MARCHF1: variants seen among roughly 807,000 people sequenced by gnomAD.
MARCHF1 encodes the protein membrane associated ring-CH-type finger 1.
A neutral mutation model predicts 54.2 loss-of-function variants in MARCHF1; 40 were observed. That is an observed-to-expected ratio of 0.74 (90% CI 0.57 to 0.96). The LOEUF (loss-of-function observed/expected upper bound fraction) is 0.96. Ranked by LOEUF, MARCHF1 falls within the 40% of genes least tolerant of loss-of-function variation. MARCHF1 has a pLI of 0.00. For missense variants in MARCHF1, 586 were observed against 656.5 expected (o/e 0.89, Z 1.17); for synonymous variants, 236 against 236.3 (o/e 1.00, Z 0.01).
chr4:163,727,302 TTTC>T (rs1225153760), intron 4 of MARCHF1, among the ~76,000 whole-genome samples: 1 of 137,874 alleles, frequency 7.3e-6, no homozygotes, highest in African/African-American at 2.6e-5. Flanking sequence ...TTTAAATTCA[TTTC>T]TTTTTTTTCT....
intron 1 of MARCHF1, among the ~76,000 whole-genome samples, chr4:164,238,445 G>T (rs1732631281): frequency 6.6e-6 from 1 of 152,014 alleles, no homozygotes; most frequent in Non-Finnish European, 1.5e-5. Flanking sequence ...TACAAGGAAA[G>T]AACTGAGTCC....
intron 3 of MARCHF1, among the ~76,000 whole-genome samples, chr4:163,890,972 G>T (rs149492395): frequency 5.3e-5 from 8 of 151,734 alleles, no homozygotes; most frequent in African/African-American, 1.7e-4. Context: ...CAGGATAGTC[G>T]GAAATATACT....
Position 164,355,691 on chromosome 4 carries a change from G to A in MARCHF1, c.-323+28179C>T, listed in dbSNP as rs1300783540. 2.0e-5 allele frequency among the ~76,000 whole-genome samples: 2 copies of A among 97,890 alleles called. 1 individual carries two copies. The highest frequency in any genetic ancestry group is 4.6e-5 in the Non-Finnish European group (2 of 43,846). 64.2% of individuals were successfully genotyped at this position (97,890 alleles called of 152,430 possible). Reference sequence around the variant, plus strand: ...AAGAAAACCTAGGCATTACCATTCAGGACATAGGCATGGGCAAGGACTTCA... The same window carrying A: ...AAGAAAACCTAGGCATTACCATTCAAGACATAGGCATGGGCAAGGACTTCA... On this transcript the variant is annotated intron_variant, in intron 1 of 9. Transcript: ENST00000514618.
rs1164505289 is a variant in MARCHF1 at position 163,612,707 on chromosome 4, T to G, written c.574A>C (p.Asn192His). ...RLSRRRRRNN[N>H]KPCENLAGSS... ...CCAGCTAAGTTTTCACACGGCTTAT[T>G]ATTATTTCTCCTCCTTCTTCTTGAC... The change falls in exon 7 of 10, where the codon AAT (asparagine) becomes CAT (histidine). Residue 192 changes from asparagine to histidine, a missense_variant. This residue lies in a region of MARCHF1 where 387 missense variants were observed against 394.6 expected (regional missense o/e 0.98). Transcript: ENST00000514618. 3.9e-6 allele frequency: 6 copies of G among 1,535,430 alleles called. No homozygotes were observed. The South Asian group carries it at 5.9e-5, about 15-fold the overall frequency.
At position 163,526,568 on chromosome 4, in the gene MARCHF1, T is replaced by C. The variant is rs1738112580; in HGVS notation, c.*2180A>G. The C allele has an allele frequency of 6.6e-6, 1 of 152,038 alleles. No individual in the cohort carries two copies. The highest frequency in any genetic ancestry group is 2.4e-5 in the African/African-American group (1 of 41,432). The allele number at this position is 152,038 out of a possible 1,614,324, so 9.4% of individuals were successfully genotyped here. A position where few individuals can be genotyped will look rare whatever the true frequency, so the allele number is the denominator to read the frequency against. Reference sequence around the variant, plus strand: ...TGCCATGGTTAAATCACCCACAGATTTGTTATTCATAAATGTATTTATCTT... The same window carrying C: ...TGCCATGGTTAAATCACCCACAGATCTGTTATTCATAAATGTATTTATCTT... On this transcript the variant is annotated 3_prime_UTR_variant, in exon 10 of 10. Coordinates refer to ENST00000514618, the MANE Select transcript of MARCHF1 (RefSeq NM_001394959.1).
chr4:164,092,858 T>C (rs563034454), intron 2 of MARCHF1, among the ~76,000 whole-genome samples: 1 of 152,234 alleles, frequency 6.6e-6, no homozygotes, highest in Admixed American at 6.6e-5. Flanking sequence ...AAAGATTATG[T>C]CTAGAACACA....
At chr4:163,553,138 C>T (rs1739171295) in intron 8 of MARCHF1, among the ~76,000 whole-genome samples, 1 of 152,102 alleles carries the variant, frequency 6.6e-6, no homozygotes, top group Non-Finnish European at 1.5e-5. Flanking sequence ...CTCTGTGCCT[C>T]CATTTCTTTA....
rs1024252262 is a variant in MARCHF1, at chr4:164,108,898, A to T, written c.-248+2690T>A. On this transcript the variant is annotated intron_variant, in intron 2 of 9. Transcript: ENST00000514618. ...GCAGCATAAGATAGCTGTGATTTTTAAAAGTGCTTATTAAAACATTTGTTT... is the reference window on the plus strand; with the variant it reads ...GCAGCATAAGATAGCTGTGATTTTTTAAAGTGCTTATTAAAACATTTGTTT... Among the ~76,000 whole-genome samples, 7 of 152,226 alleles carry T rather than the reference A, an allele frequency of 4.6e-5. No individual in the cohort carries two copies. In the South Asian group the frequency reaches 1.4e-3, roughly 32 times the overall value.
At chr4:164,121,949 A>T (rs958413831) in intron 1 of MARCHF1, among the ~76,000 whole-genome samples, 13 of 152,136 alleles carry the variant, frequency 8.5e-5, no homozygotes, top group Non-Finnish European at 2.9e-5. Flanking sequence ...TCATTAACAA[A>T]ATACTAGCAA....
In MARCHF1 at chr4:164,179,916, C is replaced by T. The variant is rs371447494; in HGVS notation, c.-322-68254G>A. Among the ~76,000 whole-genome samples the T allele has an allele frequency of 2.0e-5, 3 of 149,588 alleles. No individual in the cohort carries two copies. The East Asian group carries it at 5.9e-4, about 29-fold the overall frequency. On this transcript the variant is annotated intron_variant, in intron 1 of 9. Transcript: ENST00000514618. ...AATTTCCAGAGGGAGAATTTGAATA[C>T]TGGCTAAATGTTTATGGCAAGGATA...
intron 4 of MARCHF1, among the ~76,000 whole-genome samples, chr4:163,765,819 TATATAGATATAG>T (rs66528639): frequency 6.9e-6 from 1 of 145,758 alleles, no homozygotes; most frequent in Non-Finnish European, 1.5e-5. Flanking sequence ...TATACCGGAT[TATATAGATATAG>T]ATATAGATAT....
chr4:164,087,928 T>C (rs1164317799), intron 2 of MARCHF1, among the ~76,000 whole-genome samples: 2 of 152,154 alleles, frequency 1.3e-5, no homozygotes, highest in African/African-American at 4.8e-5. Context: ...GAGTTGCTGC[T>C]ACACTTGAAT....
intron 1 of MARCHF1, among the ~76,000 whole-genome samples, chr4:164,281,102 T>C (rs1734014601): frequency 6.6e-6 from 1 of 152,196 alleles, no homozygotes; most frequent in Non-Finnish European, 1.5e-5. Flanking sequence ...TATTCTTATA[T>C]CTGTTAGAGT....
At chr4:163,558,003 T>C (rs1463688207) in intron 8 of MARCHF1, among the ~76,000 whole-genome samples, 2 of 152,202 alleles carry the variant, frequency 1.3e-5, no homozygotes, top group Admixed American at 1.3e-4. Flanking sequence ...AGTCTTCTGA[T>C]ACTTGAGCTG....
chr4:163,652,393 G>A (rs886657816), intron 5 of MARCHF1, among the ~76,000 whole-genome samples: 4 of 151,748 alleles, frequency 2.6e-5, no homozygotes, highest in Admixed American at 1.3e-4. Flanking sequence ...TATTCACCAT[G>A]AGCTAGCCAT....
intron 1 of MARCHF1, among the ~76,000 whole-genome samples, chr4:164,276,550 G>GTA (rs1336128092): frequency 6.6e-6 from 1 of 150,512 alleles, no homozygotes; most frequent in Non-Finnish European, 1.5e-5. Flanking sequence ...TATATATATA[G>GTA]TATATATATA....
intron 2 of MARCHF1, among the ~76,000 whole-genome samples, chr4:164,016,522 G>A (rs1753546551): frequency 6.6e-6 from 1 of 152,138 alleles, no homozygotes; most frequent in Admixed American, 6.5e-5. Flanking sequence ...AAAATGGATG[G>A]AACTGGAGGG....
At chr4:163,826,926 CTGAGG>C (rs1230441813) in intron 4 of MARCHF1, among the ~76,000 whole-genome samples, 1 of 151,986 alleles carries the variant, frequency 6.6e-6, no homozygotes, top group Admixed American at 6.6e-5. Context: ...AATGACAATA[CTGAGG>C]TATTTTCCAC....
chr4:163,830,790 A>C lies in MARCHF1; in HGVS notation c.111+23231T>G, dbSNP rs546681290. 2.6e-5 allele frequency among the ~76,000 whole-genome samples: 4 copies of C among 152,242 alleles called. No homozygotes were observed. The South Asian group carries it at 6.2e-4, about 24-fold the overall frequency. On this transcript the variant is annotated intron_variant, in intron 4 of 9. Transcript: ENST00000514618. ...ACAACAAAAAGAAAAATTTTTAAAA[A>C]TAAAATTAAAAACAAAGTATATGCT...
Sources: allele counts gnomAD v4.1 joint callset (sites outside exome capture counted in the v4.1 genomes callset), GRCh38; gene constraint gnomAD v4.1.1; regional missense constraint gnomAD v4.1.1; transcripts MANE v1.5; gene names NCBI Gene and HGNC (gene_info 2026-07-23, HGNC 2026-07-21).